Variants in ASIC2 observed in about 807,000 individuals in gnomAD.
ASIC2 encodes acid-sensing ion channel 2.
Under a neutral mutation model 57.3 loss-of-function variants are expected in ASIC2, and 25 were observed. That is an observed-to-expected ratio of 0.44 (90% CI 0.32 to 0.61). The LOEUF (loss-of-function observed/expected upper bound fraction) is 0.61, where lower values mean the gene tolerates loss of function less well. ASIC2 is among the 20% of genes least tolerant of loss of function. The probability of loss-of-function intolerance (pLI) is 0.06; values close to 1 mark genes in which losing one functional copy is unlikely to be tolerated. For missense variants in ASIC2, 641 were observed against 738.1 expected, an observed-to-expected ratio of 0.87 and a Z score of 1.52; for synonymous variants, 319 against 307.5, an observed-to-expected ratio of 1.04 and a Z score of -0.39.
At chr17:34,108,557 A>G (rs1911150258) in intron 1 of ASIC2, among the ~76,000 whole-genome samples, 1 of 152,154 alleles carries the variant, frequency 6.6e-6, no homozygotes, top group African/African-American at 2.4e-5. Flanking sequence ...TTTACGTTAT[A>G]TGGTGTATCG....
intron 1 of ASIC2, among the ~76,000 whole-genome samples, chr17:33,513,088 T>G (rs778934649): frequency 3.9e-5 from 6 of 152,250 alleles, no homozygotes; most frequent in Non-Finnish European, 7.3e-5. Context: ...AATTTTAGCA[T>G]GGGATTCTTG....
chr17:33,553,100 C>T (rs906207335), intron 1 of ASIC2, among the ~76,000 whole-genome samples: 9 of 152,096 alleles, frequency 5.9e-5, no homozygotes, highest in African/African-American at 1.9e-4. Context: ...CCTCCCCTAC[C>T]CTGGAGTGGC....
chr17:33,719,281 G>A (rs1909314345), intron 1 of ASIC2, among the ~76,000 whole-genome samples: 1 of 152,138 alleles, frequency 6.6e-6, no homozygotes, highest in African/African-American at 2.4e-5. Context: ...AACCAGAGAG[G>A]GCTTGGTGAC....
At chr17:33,294,752 A>AAC (rs1309218488), upstream of ASIC2, among the ~76,000 whole-genome samples, 4 of 152,062 alleles carry the variant, frequency 2.6e-5, no homozygotes, top group Non-Finnish European at 2.9e-5. Context: ...ACATATACAC[A>AAC]ACACACACAC....
chr17:34,069,269 TCTTC>T (rs2142066461), intron 1 of ASIC2: 2 of 148,252 alleles, frequency 1.3e-5, no homozygotes, highest in Non-Finnish European at 3.0e-5. Flanking sequence ...CCTTTTCCTT[TCTTC>T]CTTTCCTTCT....
chr17:33,894,998 T>A (rs1054908701), intron 1 of ASIC2, among the ~76,000 whole-genome samples: 7 of 152,122 alleles, frequency 4.6e-5, no homozygotes, highest in Non-Finnish European at 1.0e-4. Context: ...AGAGCCCATA[T>A]TGGGAAATTT....
chr17:33,384,746 A>G (rs776361654), intron 1 of ASIC2, among the ~76,000 whole-genome samples: 1 of 152,186 alleles, frequency 6.6e-6, no homozygotes, highest in Non-Finnish European at 1.5e-5. Context: ...TCCTTTGCAA[A>G]TAGACTTAGC....
intron 3 of ASIC2, among the ~76,000 whole-genome samples, chr17:33,039,335 C>T (rs1044456392): frequency 6.6e-6 from 1 of 152,198 alleles, no homozygotes; most frequent in African/African-American, 2.4e-5. Flanking sequence ...CTCAGCCTTG[C>T]CTGGCCTGGC....
chr17:33,014,746 G>T (rs2091796841), intron 9 of ASIC2, among the ~76,000 whole-genome samples: 1 of 152,180 alleles, frequency 6.6e-6, no homozygotes, highest in African/African-American at 2.4e-5. Flanking sequence ...ACAACTAGGG[G>T]AGGAGAAACA....
intron 1 of ASIC2, among the ~76,000 whole-genome samples, chr17:33,858,589 G>C (rs1914023740): frequency 6.6e-6 from 1 of 152,222 alleles, no homozygotes; most frequent in Non-Finnish European, 1.5e-5. Context: ...CCGCCAGCGG[G>C]ACATCTCTGC....
chr17:33,954,761 A>G (rs1202945216), intron 1 of ASIC2, among the ~76,000 whole-genome samples: 1 of 152,196 alleles, frequency 6.6e-6, no homozygotes, highest in Non-Finnish European at 1.5e-5. Flanking sequence ...CTCATTTCTG[A>G]GAGGAAATGG....
chr17:33,464,474 TC>T, intron 1 of ASIC2, among the ~76,000 whole-genome samples: 2 of 86,092 alleles, frequency 2.3e-5, no homozygotes, highest in Non-Finnish European at 4.5e-5. Flanking sequence ...TTTCTTTCTT[TC>T]TTTTCTCTCT....
intron 1 of ASIC2, among the ~76,000 whole-genome samples, chr17:33,371,183 A>C (rs1243687644): frequency 3.3e-5 from 5 of 152,214 alleles, no homozygotes; most frequent in African/African-American, 1.2e-4. Context: ...GGATATCAGG[A>C]TATTCCTGAG....
intron 1 of ASIC2, among the ~76,000 whole-genome samples, chr17:33,257,940 T>G (rs1909138473): frequency 6.6e-6 from 1 of 152,222 alleles, no homozygotes; most frequent in African/African-American, 2.4e-5. Context: ...TAATATTAGC[T>G]TCTACCTGAT....
intron 1 of ASIC2, among the ~76,000 whole-genome samples, chr17:33,241,899 G>A (rs1251028116): frequency 6.6e-6 from 1 of 152,216 alleles, no homozygotes; most frequent in Non-Finnish European, 1.5e-5. Context: ...GCAGGCAATC[G>A]TGGAGGGATC....
intron 1 of ASIC2, among the ~76,000 whole-genome samples, chr17:33,983,134 A>T (rs751219384): frequency 1.4e-4 from 21 of 152,238 alleles, no homozygotes; most frequent in Non-Finnish European, 2.6e-4. Flanking sequence ...ATAAACAAGT[A>T]TACCAGTTAC....
At chr17:34,021,304 G>A (rs1907151053) in intron 1 of ASIC2, among the ~76,000 whole-genome samples, 1 of 151,584 alleles carries the variant, frequency 6.6e-6, no homozygotes, top group Admixed American at 6.6e-5. Context: ...CATCACTCAG[G>A]GCCCTGCAAT....
intron 1 of ASIC2, among the ~76,000 whole-genome samples, chr17:34,032,740 C>T (rs1054674068): frequency 7.9e-5 from 12 of 152,018 alleles, no homozygotes; most frequent in Non-Finnish European, 1.8e-4. Context: ...AGACTTTAAA[C>T]CAACAAAGAT....
intron 1 of ASIC2, among the ~76,000 whole-genome samples, chr17:33,579,475 AT>A (rs1916808847): frequency 6.6e-6 from 1 of 152,088 alleles, no homozygotes; most frequent in Non-Finnish European, 1.5e-5. Context: ...TTCAACATTC[AT>A]TGAGAATCAC....
Sources: allele counts gnomAD v4.1 joint callset (sites outside exome capture counted in the v4.1 genomes callset), GRCh38; gene constraint gnomAD v4.1.1; transcripts MANE v1.5; gene names NCBI Gene and HGNC (gene_info 2026-07-23, HGNC 2026-07-21).